The following GDA variants were observed in gnomAD, a reference collection of about 807,000 sequenced individuals.
GDA encodes the protein guanine deaminase.
In GDA, 18 loss-of-function variants were observed where a neutral mutation model predicts 59.6. That is an observed-to-expected ratio of 0.30 (90% CI 0.21 to 0.45). The LOEUF is 0.45. Ranked by LOEUF, GDA falls within the 20% of genes least tolerant of loss-of-function variation. The probability of loss-of-function intolerance (pLI) is 1.00; values close to 1 mark genes in which losing one functional copy is unlikely to be tolerated. For synonymous variants in GDA, 201 were observed against 201.1 expected, an observed-to-expected ratio of 1.00 and a Z score of 0.00; for missense variants, 427 against 552.3, an observed-to-expected ratio of 0.77 and a Z score of 2.27.
intron 1 of GDA, among the ~76,000 whole-genome samples, chr9:72,137,144 A>G (rs1361701100): frequency 1.3e-5 from 2 of 151,754 alleles, no homozygotes; most frequent in Admixed American, 1.3e-4. Flanking sequence ...GGGGAATTGG[A>G]GTGAAATTTA....
At chr9:72,229,382 C>A (rs1315555003) in intron 9 of GDA, among the ~76,000 whole-genome samples, 1 of 151,670 alleles carries the variant, frequency 6.6e-6, no homozygotes, top group Non-Finnish European at 1.5e-5. Context: ...AACAAACAAA[C>A]AAAACCTTCA....
intron 1 of GDA, among the ~76,000 whole-genome samples, chr9:72,154,408 C>G (rs938061365): frequency 6.6e-6 from 1 of 152,178 alleles, no homozygotes; most frequent in Non-Finnish European, 1.5e-5. Flanking sequence ...CCCTTTGCCT[C>G]CTAGCAAATC....
intron 10 of GDA, among the ~76,000 whole-genome samples, chr9:72,232,721 G>A (rs766971821): frequency 2.6e-5 from 4 of 152,138 alleles, no homozygotes; most frequent in Non-Finnish European, 5.9e-5. Context: ...GTTTAGTGAT[G>A]GTCTATAAAG....
At chr9:72,225,333 A>G (rs1341693765) in intron 7 of GDA, among the ~76,000 whole-genome samples, 2 of 152,304 alleles carry the variant, frequency 1.3e-5, no homozygotes, top group South Asian at 2.1e-4. Context: ...GGTCCTGACT[A>G]TCTTCAAGGA....
rs529112021 is a variant in GDA, at chr9:72,211,633, C to T, written c.472+859C>T. Among the ~76,000 whole-genome samples the T allele has an allele frequency of 5.3e-4, 80 of 152,254 alleles. 1 individual carries two copies. Among genetic ancestry groups the T allele is most frequent in the Non-Finnish European group, 6.9e-4 (47 of 68,022 alleles). ...AGAAGGCAAAGAGAACCCAGAACTA[C>T]GACATCTGGGAAGGCTTTATGAAAG... On this transcript the variant is annotated intron_variant, in intron 4 of 13. Transcript: ENST00000358399.
intron 1 of GDA, among the ~76,000 whole-genome samples, chr9:72,172,140 C>G (rs1368819904): frequency 2.0e-5 from 3 of 151,960 alleles, no homozygotes; most frequent in Non-Finnish European, 4.4e-5. Context: ...TTCCTGTGCC[C>G]TAGACATGCC....
chr9:72,231,153 A>G lies in GDA; in HGVS notation c.960A>G (p.Lys320=), dbSNP rs1394488913. 4 of 1,595,456 alleles carry G rather than the reference A, an allele frequency of 2.5e-6. No homozygotes were observed. Among genetic ancestry groups the G allele is most frequent in the Non-Finnish European group, 3.4e-6 (4 of 1,163,008 alleles). ...TTCTAAATGTGCTAGAAGTCCTGAA[A>G]CATGAAGTCAAGATAGGGCTGGGTA... ...SGFLNVLEVL[K]HEVKIGLGTD... is the part of the protein sequence containing the mutation. The change falls in exon 10 of 14, where the codon AAA becomes AAG. Residue 320 remains lysine (K), a synonymous_variant. Coordinates refer to ENST00000358399, the MANE Select transcript of GDA (RefSeq NM_004293.5).
chr9:72,210,837 A>C, intron 4 of GDA, 63 bp downstream of exon 4: 3 of 1,007,500 alleles, frequency 3.0e-6, no homozygotes, highest in Non-Finnish European at 3.2e-6. Context: ...ATCGTGGCAA[A>C]CAACTTATAT....
chr9:72,219,436 G>C (rs367830934), intron 5 of GDA, 43 bp from the exon 6 acceptor site: 13 of 1,442,672 alleles, frequency 9.0e-6, no homozygotes, highest in Non-Finnish European at 1.3e-5. Context: ...AAGAAAAAAA[G>C]AAAATGCTCA....
chr9:72,195,181 C>G (rs1306455306), intron 1 of GDA, among the ~76,000 whole-genome samples: 8 of 152,084 alleles, frequency 5.3e-5, no homozygotes, highest in Non-Finnish European at 5.9e-5. Flanking sequence ...ATTGGTGAAG[C>G]CTTCTATTCT....
chr9:72,186,594 G>A (rs1486956244), intron 1 of GDA, among the ~76,000 whole-genome samples: 1 of 152,098 alleles, frequency 6.6e-6, no homozygotes, highest in Non-Finnish European at 1.5e-5. Flanking sequence ...TGAGCATACA[G>A]GAAGCACTCA....
downstream of GDA, among the ~76,000 whole-genome samples, chr9:72,259,414 C>G (rs1334383737): frequency 6.6e-6 from 1 of 152,164 alleles, no homozygotes; most frequent in Non-Finnish European, 1.5e-5. Flanking sequence ...GTCCTGGATG[C>G]CAGGCACTTG....
intron 1 of GDA, among the ~76,000 whole-genome samples, chr9:72,176,361 G>T (rs1433855150): frequency 6.6e-6 from 1 of 152,214 alleles, no homozygotes; most frequent in East Asian, 1.9e-4. Flanking sequence ...ACGGTGTGGT[G>T]AATGCTTCAT....
At chr9:72,175,555 G>A (rs1290910903) in intron 1 of GDA, among the ~76,000 whole-genome samples, 1 of 152,202 alleles carries the variant, frequency 6.6e-6, no homozygotes, top group Non-Finnish European at 1.5e-5. Flanking sequence ...GAAGATGTCT[G>A]GGCTGGGCCT....
intron 3 of GDA, among the ~76,000 whole-genome samples, chr9:72,204,545 C>T (rs1834429528): frequency 6.6e-6 from 1 of 152,126 alleles, no homozygotes; most frequent in Non-Finnish European, 1.5e-5. Flanking sequence ...ATTTACACTG[C>T]TTTTATGATT....
At chr9:72,169,930 C>T (rs1829758414) in intron 1 of GDA, among the ~76,000 whole-genome samples, 1 of 152,214 alleles carries the variant, frequency 6.6e-6, no homozygotes. Context: ...ATGCATCCTT[C>T]AGCTCTGAGG....
chr9:72,196,799 G>A (rs1292611570), intron 2 of GDA, among the ~76,000 whole-genome samples: 2 of 120,266 alleles, frequency 1.7e-5, no homozygotes, highest in Admixed American at 1.1e-4. Flanking sequence ...GTGTCCATTT[G>A]TTATTATTGT....
At chr9:72,143,707 A>G (rs1043636288) in intron 1 of GDA, among the ~76,000 whole-genome samples, 1 of 152,164 alleles carries the variant, frequency 6.6e-6, no homozygotes. Context: ...TTGCTATTCT[A>G]AAAAGAAGAG....
downstream of GDA, among the ~76,000 whole-genome samples, chr9:72,255,190 T>A (rs1237557008): frequency 6.6e-6 from 1 of 152,228 alleles, no homozygotes; most frequent in African/African-American, 2.4e-5. Context: ...GTATTTATAC[T>A]CACTTAAACC....
Sources: allele counts gnomAD v4.1 joint callset (sites outside exome capture counted in the v4.1 genomes callset), GRCh38; gene constraint gnomAD v4.1.1; transcripts MANE v1.5; gene names NCBI Gene and HGNC (gene_info 2026-07-23, HGNC 2026-07-21).